DOP1B: variants seen among roughly 807,000 people sequenced by gnomAD.
The protein encoded by DOP1B is protein DOP1B.
A neutral mutation model predicts 233.5 loss-of-function variants in DOP1B; 174 were observed. The ratio of observed to expected loss-of-function variants is 0.75; its 90% confidence interval spans 0.66 to 0.85. The LOEUF is 0.85. Among genes scored for constraint, DOP1B ranks in the 40% least tolerant of loss-of-function variants. The pLI is 0.00. For missense variants in DOP1B, 2,652 were observed against 2,846.6 expected (o/e 0.93, Z 1.56); for synonymous variants, 1,190 against 1,185.6 (o/e 1.00, Z -0.08).
At chr21:36,223,794 A>G (rs933029087) in intron 11 of DOP1B, among the ~76,000 whole-genome samples, 2 of 152,132 alleles carry the variant, frequency 1.3e-5, no homozygotes, top group African/African-American at 2.4e-5. Flanking sequence ...CAGCTTTACC[A>G]TCTCTTTTAA....
intron 27 of DOP1B, among the ~76,000 whole-genome samples, chr21:36,271,084 A>G (rs1473912553): frequency 1.3e-5 from 2 of 151,692 alleles, no homozygotes; most frequent in African/African-American, 4.9e-5. Flanking sequence ...TTTGTCAGTT[A>G]TATCTAATTA....
At chr21:36,237,455 G>A (rs761045600) in intron 16 of DOP1B, 41 bp downstream of exon 16, 60 of 1,609,848 alleles carry the variant, frequency 3.7e-5, no homozygotes, top group Non-Finnish European at 4.7e-5. Flanking sequence ...GCAGCACCCC[G>A]GCCCCTGCTG....
intron 1 of DOP1B, among the ~76,000 whole-genome samples, chr21:36,159,531 C>T (rs2065851713): frequency 6.6e-6 from 1 of 152,224 alleles, no homozygotes; most frequent in African/African-American, 2.4e-5. Flanking sequence ...TGGTAGCATA[C>T]CACGTGCCCC....
intron 28 of DOP1B, among the ~76,000 whole-genome samples, chr21:36,277,507 T>A (rs551484501): frequency 1.3e-5 from 2 of 152,202 alleles, no homozygotes; most frequent in South Asian, 4.1e-4. Context: ...GGTCTCAATC[T>A]CCTGACCTCG....
chr21:36,260,402 C>T (rs537483589), intron 23 of DOP1B, among the ~76,000 whole-genome samples: 59 of 152,208 alleles, frequency 3.9e-4, no homozygotes, highest in Non-Finnish European at 6.6e-4. Flanking sequence ...CCAATTTTCC[C>T]GAAATGCCTG....
At position 36,278,045 on chromosome 21, in the gene DOP1B, G is replaced by T; in HGVS notation, c.5783G>T (p.Arg1928Leu). The T allele has an allele frequency of 6.2e-7, 1 of 1,614,102 alleles. No homozygotes were observed. Among genetic ancestry groups the T allele is most frequent in the South Asian group, 1.1e-5 (1 of 91,082 alleles). The stretch of plus-strand genomic sequence containing the variant: ...GAGAAAGCTGTGCCGTTAATCTCCC[G>T]TCTGCTTTACTATGTTTTTCCATAC... ...EKEKAVPLIS[R>L]LLYYVFPYLR... Residue 1928 changes from arginine (R) to leucine (L), a missense_variant, in exon 29 of 37, where the codon CGT becomes CTT. Physicochemically the swap from Arg to Leu is moderately radical, Grantham distance 102 (BLOSUM62 -2). Transcript: ENST00000691173.
intron 24 of DOP1B, among the ~76,000 whole-genome samples, chr21:36,262,338 AG>A (rs2067180354): frequency 6.6e-6 from 1 of 152,328 alleles, no homozygotes; most frequent in South Asian, 2.1e-4. Flanking sequence ...GAAACCGCCT[AG>A]GTCACACAAT....
chr21:36,240,066 A>G (rs1040229504), intron 18 of DOP1B, 111 bp downstream of exon 18: 6 of 1,249,538 alleles, frequency 4.8e-6, no homozygotes, highest in South Asian at 1.6e-5. Flanking sequence ...GTTAGATGCA[A>G]ATGGTACTTT....
rs537884840 is a variant in DOP1B at position 36,255,012 on chromosome 21, C to T, written c.5259+1103C>T. Among the ~76,000 whole-genome samples, 78 of 146,660 alleles carry T rather than the reference C, an allele frequency of 5.3e-4. 1 individual carries two copies. Among genetic ancestry groups the T allele is most frequent in the Middle Eastern group, 3.6e-3 (1 of 276 alleles). Reference sequence around the variant, plus strand: ...TCACCCAGGCTGGAGTGCAGTGGTGCGATCTCAGCTCATTGCAACCTCCAC... The same window carrying T: ...TCACCCAGGCTGGAGTGCAGTGGTGTGATCTCAGCTCATTGCAACCTCCAC... On this transcript the variant is annotated intron_variant, in intron 23 of 36. Transcript: ENST00000691173.
chr21:36,264,455 T>G (rs966180498), intron 26 of DOP1B, among the ~76,000 whole-genome samples: 5 of 151,926 alleles, frequency 3.3e-5, no homozygotes, highest in Admixed American at 1.3e-4. Flanking sequence ...ACATGGATAT[T>G]TCTTTTTTTC....
intron 1 of DOP1B, among the ~76,000 whole-genome samples, chr21:36,162,718 AT>A (rs1231781888): frequency 6.6e-6 from 1 of 151,336 alleles, no homozygotes; most frequent in East Asian, 2.0e-4. Flanking sequence ...TTTTATGTTT[AT>A]TTTTTGGTAG....
chr21:36,269,945 C>A, intron 26 of DOP1B, 68 bp from the exon 27 acceptor site: 1 of 1,525,336 alleles, frequency 6.6e-7, no homozygotes, highest in Non-Finnish European at 9.0e-7. Context: ...CTGGACAGTG[C>A]TGTTTTAGGC....
In DOP1B at chr21:36,281,648, A is replaced by G. The variant is rs199505594; in HGVS notation, c.6160+37A>G. ...GTCTTAGTCTGTTTTTTGCTGCTAT[A>G]ACAGAATACCTGAGACTGGGGAATT... On this transcript the variant is annotated intron_variant, in intron 32 of 36. Transcript: ENST00000691173. The G allele has an allele frequency of 4.0e-6, 6 of 1,489,314 alleles. No homozygotes were observed. The Admixed American group carries it at 1.2e-4, about 31-fold the overall frequency. The allele number at this position is 1,489,314 out of a possible 1,614,324, so 92.3% of individuals were successfully genotyped here. A position where few individuals can be genotyped will look rare whatever the true frequency, so the allele number is the denominator to read the frequency against.
In DOP1B at chr21:36,211,537, G is replaced by C. The variant is rs376831109; in HGVS notation, c.682-16G>C. 1 of 1,612,126 alleles carries C rather than the reference G, an allele frequency of 6.2e-7. No homozygotes were observed. The highest frequency in any genetic ancestry group is 1.3e-5 in the African/African-American group (1 of 74,884). On this transcript the variant is annotated splice_polypyrimidine_tract_variant and intron_variant, in intron 5 of 36. Transcript: ENST00000691173. Reference sequence around the variant, plus strand: ...AGAGTAGCCTGAAAATGCTAGTGCCGTTTGATCGTTTACAGGTGAAGTCTT... The same window carrying C: ...AGAGTAGCCTGAAAATGCTAGTGCCCTTTGATCGTTTACAGGTGAAGTCTT...
At position 36,269,294 on chromosome 21, in the gene DOP1B, TACAGGCATGCACC is replaced by T. The variant is rs1178231100; in HGVS notation, c.5488-716_5488-704del. The stretch of plus-strand genomic sequence containing the variant: ...CCTCAGCCTCCAAAGTAGCTGGGAT[TACAGGCATGCACC>T]ACCACACCCACCTAATTTTGTATTC... On this transcript the variant is annotated intron_variant, in intron 26 of 36. Coordinates refer to ENST00000691173, the MANE Select transcript of DOP1B (RefSeq NM_001320714.2). Among the ~76,000 whole-genome samples the T allele has an allele frequency of 2.0e-5, 3 of 152,006 alleles. No homozygotes were observed. In the East Asian group the frequency reaches 5.8e-4, roughly 29 times the overall value.
Position 36,204,054 on chromosome 21 carries a change from T to A in DOP1B, c.491+3553T>A, listed in dbSNP as rs186207434. Among the ~76,000 whole-genome samples, 42 of 152,286 alleles carry A rather than the reference T, an allele frequency of 2.8e-4. No individual in the cohort carries two copies. The East Asian group carries it at 7.7e-3, about 28-fold the overall frequency. On this transcript the variant is annotated intron_variant, in intron 4 of 36. Coordinates refer to ENST00000691173, the MANE Select transcript of DOP1B (RefSeq NM_001320714.2). ...AGCTCACCAGATATTTCCATTTAAA[T>A]CAGTAATTTTCAATGTAGTAGTAAT...
intron 13 of DOP1B, among the ~76,000 whole-genome samples, chr21:36,228,593 T>C (rs1227841157): frequency 6.6e-6 from 1 of 151,836 alleles, no homozygotes; most frequent in African/African-American, 2.4e-5. Flanking sequence ...GGTGAAACCC[T>C]GCCTCTACTA....
chr21:36,280,456 T>G, intron 31 of DOP1B, 110 bp downstream of exon 31: 5 of 704,114 alleles, frequency 7.1e-6, no homozygotes, highest in Non-Finnish European at 9.5e-6. Flanking sequence ...TGGTGCTGTC[T>G]ACGCCACAAA....
chr21:36,281,590 CT>C lies in DOP1B; in HGVS notation c.6142del (p.Tyr2048ThrfsTer4). ...VFSGELDQYH[L>X]YLPLIQERLT... ...CAGTGGAGAACTTGATCAATACCAC[CT>C]TTACCTTCCACTGATACAAGGTAAG... On this transcript the variant is annotated frameshift_variant, in exon 32 of 37. Transcript: ENST00000691173. LOFTEE classifies it high-confidence loss of function. The C allele has an allele frequency of 6.3e-7, 1 of 1,598,530 alleles. No homozygotes were observed. The highest frequency in any genetic ancestry group is 8.6e-7 in the Non-Finnish European group (1 of 1,167,192).
Sources: allele counts gnomAD v4.1 joint callset (sites outside exome capture counted in the v4.1 genomes callset), GRCh38; gene constraint gnomAD v4.1.1; transcripts MANE v1.5; gene names NCBI Gene and HGNC (gene_info 2026-07-23, HGNC 2026-07-21).